Variants in MRPL3 observed in about 807,000 individuals in gnomAD.
The protein encoded by MRPL3 is mitochondrial ribosomal protein L3.
MRPL3 carries 43 observed loss-of-function variants against 44.3 expected under a neutral mutation model. That is an observed-to-expected ratio of 0.97 (90% CI 0.76 to 1.25). The LOEUF is 1.25. MRPL3 is among the 50% of genes most tolerant of loss of function. The pLI is 0.00. For synonymous variants in MRPL3, 171 were observed against 152.3 expected, an observed-to-expected ratio of 1.12 and a Z score of -0.91; for missense variants, 406 against 427.6, an observed-to-expected ratio of 0.95 and a Z score of 0.45.
At position 131,501,893 on chromosome 3, in the gene MRPL3, T is replaced by C. The variant is rs1012522229; in HGVS notation, c.93-178A>G. On this transcript the variant is annotated intron_variant, in intron 1 of 9. Transcript: ENST00000264995. Reference sequence around the variant, plus strand: ...TCCTCACTCCCCACATTCCTTCGGATAAGGCTCACATTTAAACTGTTAGTC... The same window carrying C: ...TCCTCACTCCCCACATTCCTTCGGACAAGGCTCACATTTAAACTGTTAGTC... 3.3e-6 allele frequency: 5 copies of C among 1,538,170 alleles called. No homozygotes were observed. The African/African-American group carries it at 6.8e-5, about 21-fold the overall frequency.
At chr3:131,463,909 TA>T (rs990830142) in intron 9 of MRPL3, among the ~76,000 whole-genome samples, 6 of 152,156 alleles carry the variant, frequency 3.9e-5, no homozygotes, top group African/African-American at 1.4e-4. Context: ...ATAATTACTT[TA>T]GCAATAAGAA....
chr3:131,469,791 A>G lies in MRPL3; in HGVS notation c.739-18T>C. The G allele has an allele frequency of 6.4e-7, 1 of 1,571,322 alleles. No homozygotes were observed. The highest frequency in any genetic ancestry group is 8.7e-7 in the Non-Finnish European group (1 of 1,143,350). ...CCAATATCCTAAATGAGAAAACTAA[A>G]GTTAACACTTTTAAGTACTATCAAT... On this transcript the variant is annotated intron_variant, in intron 7 of 9. Coordinates refer to ENST00000264995, the MANE Select transcript of MRPL3 (RefSeq NM_007208.4).
At chr3:131,501,790 C>T (rs1043872001) in intron 1 of MRPL3, 75 bp from the exon 2 acceptor site, 13 of 1,590,120 alleles carry the variant, frequency 8.2e-6, no homozygotes, top group Non-Finnish European at 1.0e-5. Flanking sequence ...AAAGGGAAGT[C>T]ACAAATTGGA....
chr3:131,462,701 G>A lies in MRPL3; in HGVS notation c.*22C>T. On this transcript the variant is annotated 3_prime_UTR_variant, in exon 10 of 10. Coordinates refer to ENST00000264995, the MANE Select transcript of MRPL3 (RefSeq NM_007208.4). ...TCATCGAAGCTCACAGAATATGTAA[G>A]GTTCTGCCACGTCCAAAGATGTTAG... The A allele has an allele frequency of 6.3e-7, 1 of 1,596,546 alleles. No individual in the cohort carries two copies. Among genetic ancestry groups the A allele is most frequent in the African/African-American group, 1.3e-5 (1 of 74,538 alleles).
chr3:131,482,478 G>A (rs554366614), intron 6 of MRPL3, among the ~76,000 whole-genome samples: 1 of 149,844 alleles, frequency 6.7e-6, no homozygotes, highest in Non-Finnish European at 1.5e-5. Context: ...TCGTGCCACT[G>A]CACTCCAGCC....
chr3:131,465,915 TAAGCAAGGTCCC>T (rs1430864985), intron 9 of MRPL3, among the ~76,000 whole-genome samples: 22 of 151,176 alleles, frequency 1.5e-4, no homozygotes, highest in African/African-American at 5.4e-4. Flanking sequence ...TTTGTTTTTT[TAAGCAAGGTCCC>T]ACTCTGTTGC....
At chr3:131,492,839 T>C (rs1380749859) in intron 4 of MRPL3, among the ~76,000 whole-genome samples, 1 of 152,210 alleles carries the variant, frequency 6.6e-6, no homozygotes, top group East Asian at 1.9e-4. Flanking sequence ...TCCTGCCTTC[T>C]GTCCTGCTAT....
intron 5 of MRPL3, 130 bp from the exon 6 acceptor site, chr3:131,487,870 A>T: frequency 6.2e-6 from 4 of 646,920 alleles, no homozygotes; most frequent in Non-Finnish European, 8.0e-6. Context: ...TTCTGCAATT[A>T]GAAACATCCA....
intron 4 of MRPL3, among the ~76,000 whole-genome samples, chr3:131,495,894 C>T (rs181001483): frequency 1.7e-4 from 26 of 152,210 alleles, no homozygotes; most frequent in Admixed American, 7.9e-4. Flanking sequence ...AGTACTATTC[C>T]TTGTTTTTAT....
chr3:131,481,698 C>A (rs1011019115), intron 6 of MRPL3, among the ~76,000 whole-genome samples: 2 of 152,180 alleles, frequency 1.3e-5, no homozygotes, highest in Non-Finnish European at 2.9e-5. Flanking sequence ...AACCCCAACA[C>A]ACTGCTCTCC....
intron 6 of MRPL3, among the ~76,000 whole-genome samples, chr3:131,475,722 T>A (rs1933839414): frequency 1.3e-5 from 2 of 152,216 alleles, no homozygotes; most frequent in Non-Finnish European, 1.5e-5. Context: ...CACTATTAAT[T>A]ATGTAAACTA....
chr3:131,492,312 T>C (rs562971087), intron 4 of MRPL3, among the ~76,000 whole-genome samples: 46 of 152,226 alleles, frequency 3.0e-4, no homozygotes, highest in Non-Finnish European at 6.0e-4. Flanking sequence ...TTCAAAGCAT[T>C]TATCTCCATG....
At chr3:131,484,899 GCA>G (rs367658054) in intron 6 of MRPL3, among the ~76,000 whole-genome samples, 2 of 152,240 alleles carry the variant, frequency 1.3e-5, no homozygotes, top group South Asian at 4.2e-4. Flanking sequence ...ATGAAGATAT[GCA>G]CACACACATG....
At chr3:131,483,645 AT>A (rs35604081) in intron 6 of MRPL3, among the ~76,000 whole-genome samples, 47,507 of 152,070 alleles carry the variant, frequency 0.31, 9,259 homozygotes, top group Non-Finnish European at 0.44. Context: ...TCCTAACAAA[AT>A]TTTATTTTAA....
chr3:131,464,280 T>C (rs1012776648), intron 9 of MRPL3, among the ~76,000 whole-genome samples: 4 of 152,208 alleles, frequency 2.6e-5, no homozygotes, highest in Admixed American at 1.3e-4. Flanking sequence ...TTCACACTTT[T>C]ATAGAACTAT....
Position 131,498,308 on chromosome 3 carries a change from T to C in MRPL3, c.370-31A>G, listed in dbSNP as rs767790919. On this transcript the variant is annotated intron_variant, in intron 3 of 9. Transcript: ENST00000264995. ...AAAACAAACATAAAAAAACTAAGCATGTGCCAATATATATTTTAACATTAC... is the reference window on the plus strand; with the variant it reads ...AAAACAAACATAAAAAAACTAAGCACGTGCCAATATATATTTTAACATTAC... 5.1e-6 allele frequency: 7 copies of C among 1,366,638 alleles called. No homozygotes were observed. In the Admixed American group the frequency reaches 5.2e-5, roughly 10 times the overall value. 84.7% of individuals were successfully genotyped at this position (1,366,638 alleles called of 1,614,324 possible).
chr3:131,493,123 A>G (rs1026956835), intron 4 of MRPL3, among the ~76,000 whole-genome samples: 1 of 151,892 alleles, frequency 6.6e-6, no homozygotes, highest in Non-Finnish European at 1.5e-5. Context: ...TGGCTATGTT[A>G]CTCTATGTAT....
intron 4 of MRPL3, among the ~76,000 whole-genome samples, chr3:131,491,862 A>C (rs557528787): frequency 6.6e-6 from 1 of 152,120 alleles, no homozygotes. Context: ...TTAAAACTCA[A>C]GCCATATCAT....
chr3:131,486,613 C>G (rs1294689137), intron 6 of MRPL3, among the ~76,000 whole-genome samples: 1 of 151,634 alleles, frequency 6.6e-6, no homozygotes, highest in Non-Finnish European at 1.5e-5. Flanking sequence ...AACAAATTTA[C>G]AAGAAAAAAA....
Sources: allele counts gnomAD v4.1 joint callset (sites outside exome capture counted in the v4.1 genomes callset), GRCh38; gene constraint gnomAD v4.1.1; transcripts MANE v1.5; gene names NCBI Gene and HGNC (gene_info 2026-07-23, HGNC 2026-07-21).